HDAC9: variants seen among roughly 807,000 people sequenced by gnomAD.
HDAC9 encodes the protein MEF-2 interacting transcription repressor (MITR) protein.
Under a neutral mutation model 139.4 loss-of-function variants are expected in HDAC9, and 41 were observed. The ratio of observed to expected loss-of-function variants is 0.29; its 90% confidence interval spans 0.23 to 0.38. The LOEUF is 0.38. HDAC9 is among the 10% of genes least tolerant of loss of function. HDAC9 has a pLI of 1.00. For synonymous variants in HDAC9, 517 were observed against 476.2 expected, an observed-to-expected ratio of 1.09 and a Z score of -1.12; for missense variants, 1,147 against 1,297.0, an observed-to-expected ratio of 0.88 and a Z score of 1.78.
intron 12 of HDAC9, among the ~76,000 whole-genome samples, chr7:18,701,163 A>C (rs1783441499): frequency 6.6e-6 from 1 of 152,036 alleles, no homozygotes. Context: ...AAAAAAAAAA[A>C]ACCTTGCCAC....
chr7:18,501,964 C>T (rs1216706721), intron 2 of HDAC9, among the ~76,000 whole-genome samples: 1 of 152,168 alleles, frequency 6.6e-6, no homozygotes. Flanking sequence ...GGTGGTTAGG[C>T]AGCACCAGGT....
intron 17 of HDAC9, among the ~76,000 whole-genome samples, chr7:18,822,482 C>G (rs1189122693): frequency 6.6e-6 from 1 of 152,074 alleles, no homozygotes; most frequent in Non-Finnish European, 1.5e-5. Flanking sequence ...AGACTCCCGA[C>G]TAGTTGGGAT....
intron 25 of HDAC9, among the ~76,000 whole-genome samples, chr7:18,982,752 T>G (rs906590027): frequency 1.3e-5 from 2 of 152,194 alleles, no homozygotes; most frequent in African/African-American, 2.4e-5. Context: ...TTTCTTAATC[T>G]GACTTATTTC....
intron 2 of HDAC9, among the ~76,000 whole-genome samples, chr7:18,572,383 A>G (rs1824598155): frequency 6.7e-6 from 1 of 150,276 alleles, no homozygotes; most frequent in South Asian, 2.1e-4. Flanking sequence ...TCAAATGACT[A>G]ACAAAACTTC....
intron 12 of HDAC9, among the ~76,000 whole-genome samples, chr7:18,684,939 A>G (rs1287639630): frequency 1.3e-5 from 2 of 151,936 alleles, no homozygotes; most frequent in African/African-American, 4.8e-5. Context: ...TTGAAGGAAA[A>G]TGGTTTCTTC....
intron 2 of HDAC9, among the ~76,000 whole-genome samples, chr7:18,200,599 T>C (rs961010537): frequency 1.3e-5 from 2 of 152,176 alleles, no homozygotes; most frequent in African/African-American, 4.8e-5. Context: ...ATCCGCAAGC[T>C]AATATGGGAC....
At chr7:18,713,965 A>G (rs1056968821) in intron 12 of HDAC9, among the ~76,000 whole-genome samples, 7 of 152,210 alleles carry the variant, frequency 4.6e-5, no homozygotes, top group African/African-American at 1.4e-4. Flanking sequence ...TCCTTATCCT[A>G]TTTGGAGAAA....
intron 24 of HDAC9, among the ~76,000 whole-genome samples, chr7:18,965,471 C>G (rs1022797461): frequency 6.6e-6 from 1 of 152,160 alleles, no homozygotes; most frequent in Non-Finnish European, 1.5e-5. Flanking sequence ...GGTTTGGCTT[C>G]TACCAGAAAC....
chr7:18,333,172 G>C (rs1315950636), intron 1 of HDAC9, among the ~76,000 whole-genome samples: 2 of 151,592 alleles, frequency 1.3e-5, no homozygotes, highest in South Asian at 4.1e-4. Context: ...AAACTACTGA[G>C]TCAGAGGCAG....
intron 1 of HDAC9, among the ~76,000 whole-genome samples, chr7:18,387,942 A>AG (rs1204397483): frequency 7.4e-6 from 1 of 135,676 alleles, no homozygotes; most frequent in Non-Finnish European, 1.6e-5. Flanking sequence ...ATCTGTGGAG[A>AG]GAAAAAAAAA....
chr7:18,908,082 ATAGT>A (rs569700170), intron 22 of HDAC9, among the ~76,000 whole-genome samples: 30 of 152,200 alleles, frequency 2.0e-4, no homozygotes, highest in East Asian at 1.7e-3. Flanking sequence ...GTCACATGGA[ATAGT>A]TAGTTAATTT....
intron 1 of HDAC9, among the ~76,000 whole-genome samples, chr7:18,461,689 A>G (rs923765813): frequency 1.3e-5 from 2 of 152,158 alleles, no homozygotes; most frequent in Admixed American, 6.6e-5. Flanking sequence ...GTCATTGCCT[A>G]CCTTTATCTC....
intron 1 of HDAC9, among the ~76,000 whole-genome samples, chr7:18,101,296 C>T (rs1399295553): frequency 6.6e-6 from 1 of 152,182 alleles, no homozygotes; most frequent in African/African-American, 2.4e-5. Context: ...TTTCCTGGGC[C>T]ACAATCTGGA....
At chr7:18,517,710 A>C (rs1803694762) in intron 2 of HDAC9, 1 of 152,172 alleles carries the variant, frequency 6.6e-6, no homozygotes, top group African/African-American at 2.4e-5. Context: ...GCCTTAATTA[A>C]AGAAGAGGCC....
rs572830222 is a variant in HDAC9 at position 18,152,804 on chromosome 7, A to G, written c.-96-9425A>G. Among the ~76,000 whole-genome samples the G allele has an allele frequency of 2.0e-5, 3 of 152,362 alleles. No individual in the cohort carries two copies. The East Asian group carries it at 5.8e-4, about 29-fold the overall frequency. Reference sequence around the variant, plus strand: ...AACTTGGATTGTTCTTAACTTGAATATAAAGTTTGTGTAAGTTAGAAAAGT... The same window carrying G: ...AACTTGGATTGTTCTTAACTTGAATGTAAAGTTTGTGTAAGTTAGAAAAGT... On this transcript the variant is annotated intron_variant, in intron 1 of 12. Transcript: ENST00000417496.
intron 1 of HDAC9, among the ~76,000 whole-genome samples, chr7:18,313,641 A>T (rs1042317998): frequency 6.6e-6 from 1 of 152,186 alleles, no homozygotes; most frequent in Non-Finnish European, 1.5e-5. Context: ...ATAATGTGTG[A>T]TGTGTTAGGT....
intron 2 of HDAC9, among the ~76,000 whole-genome samples, chr7:18,189,921 GT>G (rs869225310): frequency 4.2e-5 from 3 of 70,680 alleles, no homozygotes; most frequent in Non-Finnish European, 9.0e-5. Flanking sequence ...CTTGTGTGTG[GT>G]GTGTGTGTGT....
chr7:18,275,636 C>A (rs1361901860), intron 2 of HDAC9, among the ~76,000 whole-genome samples: 1 of 152,162 alleles, frequency 6.6e-6, no homozygotes, highest in East Asian at 1.9e-4. Flanking sequence ...GGACCTGCCT[C>A]AAGTGCTCCC....
intron 2 of HDAC9, among the ~76,000 whole-genome samples, chr7:18,275,321 T>G (rs1041536335): frequency 2.6e-5 from 4 of 152,194 alleles, no homozygotes; most frequent in Non-Finnish European, 4.4e-5. Flanking sequence ...CACAATCTTT[T>G]GCTTAGATTT....
Sources: gnomAD v4.1 joint callset for allele counts (sites outside exome capture counted in the v4.1 genomes callset) on GRCh38, gnomAD v4.1.1 for gene constraint, MANE v1.5 for transcripts, NCBI Gene and HGNC (gene_info 2026-07-23, HGNC 2026-07-21) for gene names.